EEPD1: variants seen among roughly 807,000 people sequenced by gnomAD.
EEPD1 encodes endonuclease/exonuclease/phosphatase family domain containing 1.
Under a neutral mutation model 46.3 loss-of-function variants are expected in EEPD1, and 17 were observed. That is an observed-to-expected ratio of 0.37 (90% CI 0.25 to 0.55). The LOEUF (loss-of-function observed/expected upper bound fraction) is 0.55. Among genes scored for constraint, EEPD1 ranks in the 20% least tolerant of loss-of-function variants. EEPD1 has a pLI of 0.83. For synonymous variants in EEPD1, 313 were observed against 315.6 expected, an observed-to-expected ratio of 0.99 and a Z score of 0.09; for missense variants, 673 against 745.6, an observed-to-expected ratio of 0.90 and a Z score of 1.13.
Position 36,297,303 on chromosome 7 carries a change from G to A in EEPD1, c.1510+116G>A, listed in dbSNP as rs1182878043. The A allele has an allele frequency of 1.1e-4, 129 of 1,185,954 alleles. 3 individuals are homozygous for A. The South Asian group carries it at 1.7e-3, about 16-fold the overall frequency. 73.5% of individuals were successfully genotyped at this position (1,185,954 alleles called of 1,614,324 possible). On this transcript the variant is annotated intron_variant, in intron 7 of 7. Coordinates refer to ENST00000242108, the MANE Select transcript of EEPD1 (RefSeq NM_030636.3). ...AGGCATACATAGGATTGTGGTTTAC[G>A]TGACTGTATAACTGTCATTTAATCA...
chr7:36,293,330 G>A (rs181719101), intron 6 of EEPD1, among the ~76,000 whole-genome samples: 87 of 152,216 alleles, frequency 5.7e-4, no homozygotes, highest in Non-Finnish European at 1.1e-3. Flanking sequence ...CCATGTTTCC[G>A]TGTAGTTGAC....
chr7:36,223,104 T>C lies in EEPD1; in HGVS notation c.879-15881T>C, dbSNP rs6944550. On this transcript the variant is annotated intron_variant, in intron 2 of 7. Transcript: ENST00000242108. ...AGGCAGAGGTTGCAGTGAGCCAAGA[T>C]CACGCTACTGCACTCCAACCTGGGC... 6.8e-3 allele frequency among the ~76,000 whole-genome samples: 1,037 copies of C among 151,962 alleles called. 16 individuals are homozygous for C. Among genetic ancestry groups the C allele is most frequent in the African/African-American group, 0.024 (984 of 41,420 alleles).
intron 3 of EEPD1, among the ~76,000 whole-genome samples, chr7:36,252,921 T>C (rs1198284641): frequency 1.4e-5 from 2 of 147,164 alleles, no homozygotes; most frequent in Non-Finnish European, 3.0e-5. Context: ...TTTGGTTCCA[T>C]TGGTTTTTCT....
intron 3 of EEPD1, among the ~76,000 whole-genome samples, chr7:36,272,503 G>GTTTTTTTTTT (rs768898390): frequency 2.4e-5 from 3 of 122,650 alleles, no homozygotes; most frequent in South Asian, 2.8e-4. Context: ...GTTTTTTGTT[G>GTTTTTTTTTT]TTGTTTTTTT....
chr7:36,194,714 A>G (rs1030864812), intron 2 of EEPD1, among the ~76,000 whole-genome samples: 6 of 152,304 alleles, frequency 3.9e-5, no homozygotes, highest in South Asian at 4.1e-4. Context: ...GGAATTGATC[A>G]TGGAGCTCTG....
At chr7:36,206,927 T>G (rs1244852134) in intron 2 of EEPD1, among the ~76,000 whole-genome samples, 1 of 152,136 alleles carries the variant, frequency 6.6e-6, no homozygotes, top group Non-Finnish European at 1.5e-5. Context: ...CGTGCACCTG[T>G]AATCCCAGCT....
At chr7:36,298,982 GTC>G (rs761745038) in intron 7 of EEPD1, 23 bp from the exon 8 acceptor site, 1 of 1,611,286 alleles carries the variant, frequency 6.2e-7, no homozygotes, top group South Asian at 1.1e-5. Context: ...CTGATTCCCG[GTC>G]TCTTTCCTTC....
At chr7:36,273,545 T>C (rs979640277) in intron 3 of EEPD1, among the ~76,000 whole-genome samples, 2 of 152,122 alleles carry the variant, frequency 1.3e-5, no homozygotes, top group African/African-American at 4.8e-5. Context: ...AAGGGGTCTT[T>C]AGGTGGAGCT....
intron 3 of EEPD1, among the ~76,000 whole-genome samples, chr7:36,249,976 T>A (rs577474897): frequency 6.6e-6 from 1 of 152,284 alleles, no homozygotes; most frequent in South Asian, 2.1e-4. Context: ...CCCAACACTT[T>A]GGGAGGCTGA....
At chr7:36,289,335 C>T (rs1291803880) in intron 6 of EEPD1, among the ~76,000 whole-genome samples, 3 of 152,174 alleles carry the variant, frequency 2.0e-5, no homozygotes, top group Admixed American at 6.5e-5. Context: ...TCTCCCCATG[C>T]GCCCCTCCCT....
At chr7:36,220,772 T>C (rs991264086) in intron 2 of EEPD1, among the ~76,000 whole-genome samples, 1 of 152,204 alleles carries the variant, frequency 6.6e-6, no homozygotes, top group Admixed American at 6.5e-5. Context: ...AACAAACTTA[T>C]AACTACACTG....
In EEPD1 at chr7:36,239,052, T is replaced by C. The variant is rs780784685; in HGVS notation, c.930+16T>C. The C allele has an allele frequency of 3.7e-6, 6 of 1,610,896 alleles. No individual in the cohort carries two copies. In the East Asian group the frequency reaches 1.3e-4, roughly 36 times the overall value. On this transcript the variant is annotated intron_variant, in intron 3 of 7. Coordinates refer to ENST00000242108, the MANE Select transcript of EEPD1 (RefSeq NM_030636.3). ...CTTGGAAAAGGTAAATATTTTACTC[T>C]TCCTTCCACATTCACAAACCAAGAA...
At chr7:36,189,362 C>T (rs948526487) in intron 2 of EEPD1, among the ~76,000 whole-genome samples, 5 of 152,156 alleles carry the variant, frequency 3.3e-5, no homozygotes, top group African/African-American at 1.2e-4. Flanking sequence ...CTAAGAAAAA[C>T]AAATCAGTGA....
chr7:36,159,734 C>A (rs1368040855), intron 2 of EEPD1, among the ~76,000 whole-genome samples: 3 of 152,132 alleles, frequency 2.0e-5, no homozygotes. Flanking sequence ...CTCTGGGGGC[C>A]TCTGTTTTTT....
At chr7:36,229,509 T>C (rs1469067612) in intron 2 of EEPD1, 2 of 152,268 alleles carry the variant, frequency 1.3e-5, no homozygotes, top group Non-Finnish European at 2.9e-5. Flanking sequence ...GTTTTCTCCT[T>C]GGAAAATCAT....
chr7:36,194,974 T>C (rs1785551413), intron 2 of EEPD1, among the ~76,000 whole-genome samples: 2 of 152,174 alleles, frequency 1.3e-5, no homozygotes, highest in Admixed American at 6.5e-5. Context: ...GCGAAATCCT[T>C]CCTAATGCCC....
At chr7:36,206,340 T>G (rs1785817301) in intron 2 of EEPD1, among the ~76,000 whole-genome samples, 1 of 151,318 alleles carries the variant, frequency 6.6e-6, no homozygotes, top group Non-Finnish European at 1.5e-5. Flanking sequence ...AACAGTCATT[T>G]TAATATTTTT....
chr7:36,174,723 A>G (rs1785148298), intron 2 of EEPD1, among the ~76,000 whole-genome samples: 1 of 152,224 alleles, frequency 6.6e-6, no homozygotes, highest in Non-Finnish European at 1.5e-5. Flanking sequence ...CAGGCCCTGT[A>G]CAAGTGTGGA....
rs893684236 is a variant in EEPD1 at position 36,211,302 on chromosome 7, C to T, written c.879-27683C>T. On this transcript the variant is annotated intron_variant, in intron 2 of 7. Transcript: ENST00000242108. ...GCAGTGTTAAAATAGCAATTGGTGT[C>T]TGAGTAGAGATACAGATTAAAGGAA... Among the ~76,000 whole-genome samples, 10 of 152,254 alleles carry T rather than the reference C, an allele frequency of 6.6e-5. No individual in the cohort carries two copies. The South Asian group carries it at 2.1e-3, about 32-fold the overall frequency.
Sources: gnomAD v4.1 joint callset for allele counts (sites outside exome capture counted in the v4.1 genomes callset) on GRCh38, gnomAD v4.1.1 for gene constraint, MANE v1.5 for transcripts, NCBI Gene and HGNC (gene_info 2026-07-23, HGNC 2026-07-21) for gene names.